LRRK1: variants seen among roughly 807,000 people sequenced by gnomAD.
The protein encoded by LRRK1 is leucine rich repeat kinase 1, also known as leucine-rich repeat serine/threonine-protein kinase 1.
In LRRK1, 113 loss-of-function variants were observed where a neutral mutation model predicts 209.1. The ratio of observed to expected loss-of-function variants is 0.54; its 90% confidence interval spans 0.46 to 0.63. LRRK1 has a LOEUF of 0.63. LRRK1 is among the 30% of genes least tolerant of loss of function. LRRK1 has a pLI of 0.00. For synonymous variants in LRRK1, 1,144 were observed against 1,099.7 expected, an observed-to-expected ratio of 1.04 and a Z score of -0.80; for missense variants, 2,284 against 2,632.2, an observed-to-expected ratio of 0.87 and a Z score of 2.89.
intron 12 of LRRK1, among the ~76,000 whole-genome samples, chr15:101,017,746 G>A (rs759806477): frequency 9.2e-5 from 14 of 152,038 alleles, no homozygotes; most frequent in Admixed American, 4.6e-4. Context: ...AAACCGGTCC[G>A]TGGTGCCAAA....
At chr15:101,002,162 TG>T (rs2032725641) in intron 6 of LRRK1, among the ~76,000 whole-genome samples, 2 of 152,252 alleles carry the variant, frequency 1.3e-5, no homozygotes, top group African/African-American at 4.8e-5. Flanking sequence ...GATGTCATTG[TG>T]GGGCAATGCC....
chr15:101,030,123 C>G (rs1404560378), intron 20 of LRRK1, among the ~76,000 whole-genome samples: 1 of 152,124 alleles, frequency 6.6e-6, no homozygotes, highest in African/African-American at 2.4e-5. Context: ...ATGAGCCTCT[C>G]CTCCTTTTCC....
chr15:101,052,890 G>A (rs764525752), intron 24 of LRRK1, 32 bp from the exon 25 acceptor site: 1 of 1,595,528 alleles, frequency 6.3e-7, no homozygotes, highest in Non-Finnish European at 8.6e-7. Context: ...CAGGGCGGGG[G>A]GGATGTGGCT....
intron 2 of LRRK1, among the ~76,000 whole-genome samples, chr15:100,972,351 AGAGAGAGAGAGAGTGTGTGTGTGTGTGT>A (rs2030955992): frequency 7.5e-6 from 1 of 133,600 alleles, no homozygotes. Flanking sequence ...AGAGAGAGAG[AGAGAGAGAGAGAGTGTGTGTGTGTGTGT>A]GTGTGTGTGT....
intron 2 of LRRK1, among the ~76,000 whole-genome samples, chr15:100,935,027 G>A (rs893470614): frequency 6.6e-6 from 1 of 152,170 alleles, no homozygotes; most frequent in African/African-American, 2.4e-5. Context: ...AAATAACAGA[G>A]AATGATCTGC....
chr15:101,065,944 C>G lies in LRRK1; in HGVS notation c.5507C>G (p.Thr1836Ser). 1 of 1,614,200 alleles carries G rather than the reference C, an allele frequency of 6.2e-7. No individual in the cohort carries two copies. The highest frequency in any genetic ancestry group is 8.5e-7 in the Non-Finnish European group (1 of 1,180,040). Residue 1836 changes from threonine to serine, a missense_variant, in exon 32 of 34, where the codon ACT (threonine) becomes AGT (serine). Physicochemically the swap from Thr to Ser is moderately conservative, Grantham distance 58 (BLOSUM62 1). This residue lies in a region of LRRK1 where 643 missense variants were observed against 695.9 expected (regional missense o/e 0.92). Coordinates refer to ENST00000388948, the MANE Select transcript of LRRK1 (RefSeq NM_024652.6). ...TQILIHQESLTDYCSMSSYSS... is the reference protein window; with the variant it reads ...TQILIHQESLSDYCSMSSYSS... ...ATCCTGATCCACCAGGAATCACTCA[C>G]TGACTACTGCTCCATGTCCTCCTAC... is the stretch of plus-strand genomic sequence containing the variant.
In LRRK1 at chr15:100,982,140, G is replaced by A. The variant is rs192327815; in HGVS notation, c.262-1388G>A. On this transcript the variant is annotated intron_variant, in intron 3 of 33. Coordinates refer to ENST00000388948, the MANE Select transcript of LRRK1 (RefSeq NM_024652.6). ...CAGTAGGTGTTGATGGGGGGCACTC[G>A]CCATCCCTGTCATCCTGAGTCCCCA... Among the ~76,000 whole-genome samples the A allele has an allele frequency of 7.8e-3, 1,185 of 152,028 alleles. 18 individuals are homozygous for A. Among genetic ancestry groups the A allele is most frequent in the African/African-American group, 0.027 (1,138 of 41,432 alleles).
chr15:101,076,589 G>C lies in LRRK1; in HGVS notation c.*7741G>C, dbSNP rs1268794006. On this transcript the variant is annotated 3_prime_UTR_variant, in exon 34 of 34. Coordinates refer to ENST00000388948, the MANE Select transcript of LRRK1 (RefSeq NM_024652.6). ...AAAGGCAGGCTGTGCTATAGTACAA[G>C]CCGCTAGCCCGCCTCTTAGAACCTC... is the stretch of plus-strand genomic sequence containing the variant. The C allele has an allele frequency of 2.0e-5, 3 of 152,570 alleles. No individual in the cohort carries two copies. The highest frequency in any genetic ancestry group is 7.2e-5 in the African/African-American group (3 of 41,548). 9.5% of individuals were successfully genotyped at this position (152,570 alleles called of 1,614,324 possible).
intron 2 of LRRK1, among the ~76,000 whole-genome samples, chr15:100,965,179 T>G (rs1293823304): frequency 6.6e-6 from 1 of 152,238 alleles, no homozygotes; most frequent in Non-Finnish European, 1.5e-5. Flanking sequence ...GAAAAATAAT[T>G]TCTGTTAGTT....
intron 7 of LRRK1, 21 bp downstream of exon 7, chr15:101,009,084 C>CGGAG: frequency 6.4e-7 from 1 of 1,574,544 alleles, no homozygotes; most frequent in Non-Finnish European, 8.7e-7. Context: ...GGGGTGTGAC[C>CGGAG]GGAGCCGTGT....
At chr15:100,986,458 C>T (rs897489) in intron 4 of LRRK1, among the ~76,000 whole-genome samples, 52,596 of 152,028 alleles carry the variant, frequency 0.35, 9,671 homozygotes, top group East Asian at 0.51. Context: ...CTTGACCTTG[C>T]TATTTACTAA....
chr15:100,966,516 C>G (rs1034628578), intron 2 of LRRK1, among the ~76,000 whole-genome samples: 2 of 152,174 alleles, frequency 1.3e-5, no homozygotes, highest in African/African-American at 4.8e-5. Context: ...CTAATACTCA[C>G]TATGGTCAAA....
In LRRK1 at chr15:101,071,293, G is replaced by A. The variant is rs912300549; in HGVS notation, c.*2445G>A. The A allele has an allele frequency of 2.0e-5, 3 of 152,160 alleles. No homozygotes were observed. Among genetic ancestry groups the A allele is most frequent in the Admixed American group, 6.5e-5 (1 of 15,284 alleles). The allele number at this position is 152,160 out of a possible 1,614,324, so 9.4% of individuals were successfully genotyped here. A position where few individuals can be genotyped will look rare whatever the true frequency, so the allele number is the denominator to read the frequency against. ...ACTTACCACCCTCATGTTGGCAGAG[G>A]GTGGTAACCAGCCAGCATCTCCTTC... On this transcript the variant is annotated 3_prime_UTR_variant, in exon 34 of 34. Coordinates refer to ENST00000388948, the MANE Select transcript of LRRK1 (RefSeq NM_024652.6).
chr15:100,937,725 C>T (rs973446568), intron 2 of LRRK1, among the ~76,000 whole-genome samples: 13 of 150,850 alleles, frequency 8.6e-5, no homozygotes, highest in African/African-American at 2.7e-4. Context: ...TTAGTAGAGA[C>T]GGGGTTTCAC....
chr15:101,063,765 C>G (rs186251347), intron 31 of LRRK1, among the ~76,000 whole-genome samples: 1 of 151,008 alleles, frequency 6.6e-6, no homozygotes, highest in Admixed American at 6.6e-5. Context: ...TCTGGATGGT[C>G]GCAAAATACA....
chr15:100,988,426 A>C, intron 4 of LRRK1: 3 of 607,118 alleles, frequency 4.9e-6, no homozygotes, highest in Non-Finnish European at 8.8e-6. Flanking sequence ...GCGTTAGTTC[A>C]CTTAGGATAA....
chr15:100,995,708 G>A (rs1351653553), intron 6 of LRRK1, among the ~76,000 whole-genome samples: 2 of 152,190 alleles, frequency 1.3e-5, no homozygotes, highest in East Asian at 1.9e-4. Context: ...TCAGATCCCA[G>A]AATAACCACG....
intron 3 of LRRK1, 66 bp downstream of exon 3, chr15:100,974,033 A>T: frequency 8.3e-7 from 1 of 1,199,312 alleles, no homozygotes; most frequent in Non-Finnish European, 1.1e-6. Flanking sequence ...GACCGCTCAG[A>T]TGATTTTCTC....
At chr15:101,011,935 A>C (rs2033269310) in intron 9 of LRRK1, 73 bp from the exon 10 acceptor site, 1 of 1,075,910 alleles carries the variant, frequency 9.3e-7, no homozygotes, top group South Asian at 1.5e-5. Flanking sequence ...TCAAATTTGG[A>C]AACAGTCTCA....
Sources: allele counts gnomAD v4.1 joint callset (sites outside exome capture counted in the v4.1 genomes callset), GRCh38; gene constraint gnomAD v4.1.1; regional missense constraint gnomAD v4.1.1; transcripts MANE v1.5; gene names NCBI Gene and HGNC (gene_info 2026-07-23, HGNC 2026-07-21).